The following OR51B5 variants were observed in gnomAD, a reference collection of about 807,000 sequenced individuals.
The protein encoded by OR51B5 is olfactory receptor family 51 subfamily B member 5.
For synonymous variants in OR51B5, 186 were observed against 144.8 expected (o/e 1.28, Z -2.04); for missense variants, 456 against 374.6 (o/e 1.22, Z -1.79).
chr11:5,393,345 C>T (rs1017807899), intron 1 of OR51B5: 41 of 150,482 alleles, frequency 2.7e-4, no homozygotes, highest in African/African-American at 1.0e-3. Flanking sequence ...ATTAAAATGA[C>T]ATTTAAATGC....
intron 1 of OR51B5, chr11:5,422,133 A>G: frequency 8.2e-7 from 1 of 1,216,784 alleles, no homozygotes; most frequent in Non-Finnish European, 1.2e-6. Context: ...GGGCAAAGAG[A>G]TATTATTTCT....
rs755885642 is a variant in OR51B5, at chr11:5,424,236, G to T, written n.85-77326C>A. ...GTTACAGAACTTTCTCCTTAGTTCCGCTAAAACTGAGCTCTTGTCACACAA... is the reference window on the plus strand; with the variant it reads ...GTTACAGAACTTTCTCCTTAGTTCCTCTAAAACTGAGCTCTTGTCACACAA... On this transcript the variant is annotated intron_variant and non_coding_transcript_variant, in intron 1 of 4. Transcript: ENST00000415970. 6.4e-4 allele frequency among the ~76,000 whole-genome samples: 97 copies of T among 152,206 alleles called. 3 individuals carry two copies. In the Middle Eastern group the frequency reaches 0.01, roughly 16 times the overall value.
intron 1 of OR51B5, among the ~76,000 whole-genome samples, chr11:5,497,560 A>T (rs1475487742): frequency 1.3e-5 from 2 of 152,238 alleles, no homozygotes; most frequent in African/African-American, 4.8e-5. Flanking sequence ...GGATCTCCTC[A>T]GGTAAGCATT....
chr11:5,480,266 A>G (rs778777150), intron 1 of OR51B5, among the ~76,000 whole-genome samples: 15,834 of 150,630 alleles, frequency 0.11, 851 homozygotes, highest in Middle Eastern at 0.15. Context: ...TACTGGATAC[A>G]TAACGAAATG....
At chr11:5,400,265 A>G (rs1462499185) in intron 1 of OR51B5, among the ~76,000 whole-genome samples, 5 of 151,928 alleles carry the variant, frequency 3.3e-5, no homozygotes, top group African/African-American at 1.2e-4. Context: ...AGGATCTTGT[A>G]TTTAGTCTAT....
At chr11:5,484,545 A>G (rs1377720012) in intron 1 of OR51B5, among the ~76,000 whole-genome samples, 1 of 152,174 alleles carries the variant, frequency 6.6e-6, no homozygotes, top group Non-Finnish European at 1.5e-5. Context: ...TGAGCCCAAA[A>G]CCATCTAGTG....
At chr11:5,469,843 C>T (rs1357914439) in intron 1 of OR51B5, among the ~76,000 whole-genome samples, 5 of 152,128 alleles carry the variant, frequency 3.3e-5, no homozygotes, top group Non-Finnish European at 7.3e-5. Flanking sequence ...AATATTCCCA[C>T]CCACTGATTG....
chr11:5,371,116 T>A (rs897695707), intron 1 of OR51B5, among the ~76,000 whole-genome samples: 1 of 152,172 alleles, frequency 6.6e-6, no homozygotes, highest in Non-Finnish European at 1.5e-5. Context: ...TGGACCACCA[T>A]GGATATTGAA....
downstream of OR51B5, among the ~76,000 whole-genome samples, chr11:5,341,894 C>G (rs1026420425): frequency 6.6e-6 from 1 of 152,122 alleles, no homozygotes; most frequent in African/African-American, 2.4e-5. Flanking sequence ...TGTCTACGTC[C>G]TCTCATTTAT....
In OR51B5 at chr11:5,497,931, C is replaced by T. The variant is rs76487769; in HGVS notation, n.84+7638G>A. Among the ~76,000 whole-genome samples, 183 of 152,272 alleles carry T rather than the reference C, an allele frequency of 1.2e-3. 5 individuals carry two copies. The East Asian group carries it at 0.02, about 17-fold the overall frequency. On this transcript the variant is annotated intron_variant and non_coding_transcript_variant, in intron 1 of 4. Transcript: ENST00000415970. ...CTCTTCCAAGGAAATGCATTTGACACGTTTATTAATGGCATGAAACAACTA... is the reference window on the plus strand; with the variant it reads ...CTCTTCCAAGGAAATGCATTTGACATGTTTATTAATGGCATGAAACAACTA...
At chr11:5,390,189 T>C (rs1849773642) in intron 1 of OR51B5, 4 of 1,614,028 alleles carry the variant, frequency 2.5e-6, no homozygotes, top group Non-Finnish European at 3.4e-6. Context: ...CTAGTATTCT[T>C]TGTGCCCATG....
At chr11:5,420,472 T>C (rs1324124478) in intron 1 of OR51B5, among the ~76,000 whole-genome samples, 1 of 152,056 alleles carries the variant, frequency 6.6e-6, no homozygotes, top group Non-Finnish European at 1.5e-5. Context: ...CTATTGTATT[T>C]TTCTTGATAA....
At chr11:5,485,487 C>G (rs1033198954) in intron 1 of OR51B5, among the ~76,000 whole-genome samples, 1 of 152,202 alleles carries the variant, frequency 6.6e-6, no homozygotes, top group Admixed American at 6.5e-5. Context: ...TGAGCCTGAA[C>G]TTGCAGATCA....
At chr11:5,373,269 G>C (rs979407591) in intron 1 of OR51B5, among the ~76,000 whole-genome samples, 1 of 152,144 alleles carries the variant, frequency 6.6e-6, no homozygotes, top group Admixed American at 6.6e-5. Context: ...TTTAGATATT[G>C]TCTTGATTTG....
intron 1 of OR51B5, among the ~76,000 whole-genome samples, chr11:5,394,098 T>C (rs1038683002): frequency 1.3e-5 from 2 of 152,118 alleles, no homozygotes; most frequent in Non-Finnish European, 2.9e-5. Context: ...TTTTAAGAGT[T>C]ATAGATTCAC....
chr11:5,352,653 A>G (rs1211760280), intron 1 of OR51B5, among the ~76,000 whole-genome samples: 1 of 152,048 alleles, frequency 6.6e-6, no homozygotes. Context: ...TATGTACAAC[A>G]CTAAGTACAT....
intron 1 of OR51B5, among the ~76,000 whole-genome samples, chr11:5,461,241 T>A (rs1383667432): frequency 6.6e-6 from 1 of 152,120 alleles, no homozygotes; most frequent in Admixed American, 6.5e-5. Context: ...CTATTCATGT[T>A]GAGAGGCTGC....
chr11:5,454,021 A>T, intron 1 of OR51B5: 1 of 1,613,894 alleles, frequency 6.2e-7, no homozygotes. Flanking sequence ...TCTCACTCCT[A>T]CTGCCTGCAC....
chr11:5,477,610 A>C (rs912666673), intron 1 of OR51B5, among the ~76,000 whole-genome samples: 19 of 152,284 alleles, frequency 1.2e-4, no homozygotes, highest in Middle Eastern at 3.4e-3. Context: ...CCGGGTTCAT[A>C]TCACTAGGGA....
Sources: allele counts gnomAD v4.1 joint callset (sites outside exome capture counted in the v4.1 genomes callset), GRCh38; gene constraint gnomAD v4.1.1; transcripts MANE v1.5; gene names NCBI Gene and HGNC (gene_info 2026-07-23, HGNC 2026-07-21).